LYPD8: variants seen among roughly 807,000 people sequenced by gnomAD.
LYPD8 encodes the protein ly6/PLAUR domain-containing protein 8.
LYPD8 carries 8 observed loss-of-function variants against 1.7 expected under a neutral mutation model. The observed-to-expected ratio is 4.58, with a 90% CI of 2.69 to 8.27. The LOEUF is 8.27. Ranked by LOEUF, LYPD8 falls within the 30% of genes most tolerant of loss-of-function variation. The pLI, the probability that LYPD8 is intolerant of heterozygous loss-of-function variation, is 0.00. For missense variants in LYPD8, 112 were observed against 102.3 expected, an observed-to-expected ratio of 1.09 and a Z score of -0.41; for synonymous variants, 50 against 43.6, an observed-to-expected ratio of 1.15 and a Z score of -0.58.
At chr1:248,752,723 A>G (rs1662825218) in intron 2 of LYPD8, among the ~76,000 whole-genome samples, 1 of 98,342 alleles carries the variant, frequency 1.0e-5, no homozygotes, top group Non-Finnish European at 2.0e-5. Flanking sequence ...TCCCCACTGA[A>G]CACACACACA....
chr1:248,745,702 G>C (rs1662717790), intron 5 of LYPD8, among the ~76,000 whole-genome samples: 1 of 152,162 alleles, frequency 6.6e-6, no homozygotes, highest in African/African-American at 2.4e-5. Flanking sequence ...AATGAGACCA[G>C]CTCTGCTCTT....
intron 2 of LYPD8, among the ~76,000 whole-genome samples, chr1:248,752,166 C>T (rs1488288250): frequency 6.6e-6 from 1 of 152,074 alleles, no homozygotes; most frequent in Non-Finnish European, 1.5e-5. Context: ...GCACTGGCTA[C>T]ATTCCCAATG....
At chr1:248,748,505 G>C (rs1662748527) in intron 4 of LYPD8, 52 bp from the exon 5 acceptor site, 1 of 399,934 alleles carries the variant, frequency 2.5e-6, no homozygotes, top group East Asian at 3.6e-5. Flanking sequence ...GGAGGTGTGG[G>C]GAGGGTGGAG....
chr1:248,752,846 C>CAA (rs1662835199), intron 2 of LYPD8, among the ~76,000 whole-genome samples: 68 of 121,348 alleles, frequency 5.6e-4, no homozygotes, highest in African/African-American at 2.2e-3. Flanking sequence ...ACCCCACACA[C>CAA]ACACACCACA....
At chr1:248,753,497 ACACAACACAACACACACAT>A (rs1662867372) in intron 2 of LYPD8, among the ~76,000 whole-genome samples, 45 of 123,236 alleles carry the variant, frequency 3.7e-4, no homozygotes, top group East Asian at 8.6e-4. Flanking sequence ...ATCACACAAC[ACACAACACAACACACACAT>A]CACACACCCC....
chr1:248,741,736 A>G (rs1259445329), intron 6 of LYPD8, among the ~76,000 whole-genome samples: 1 of 152,222 alleles, frequency 6.6e-6, no homozygotes, highest in East Asian at 1.9e-4. Flanking sequence ...TTCTGATGTC[A>G]TGTTGCCCTA....
intron 6 of LYPD8, among the ~76,000 whole-genome samples, chr1:248,740,590 G>A (rs559165307): frequency 3.9e-5 from 6 of 152,334 alleles, no homozygotes; most frequent in East Asian, 3.9e-4. Context: ...AGGGACTCAC[G>A]GAGGTGAAGT....
intron 2 of LYPD8, among the ~76,000 whole-genome samples, chr1:248,752,651 AAC>A (rs1387037198): frequency 0.69 from 68,110 of 99,368 alleles, 23,534 homozygotes; most frequent in Middle Eastern, 0.83. Flanking sequence ...CACAACACAC[AAC>A]ACACACCACA....
intron 5 of LYPD8, 28 bp from the exon 6 acceptor site, chr1:248,745,307 A>G: frequency 2.5e-6 from 1 of 398,472 alleles, no homozygotes; most frequent in Non-Finnish European, 4.4e-6. Context: ...ATTACTCAGG[A>G]CAGTGTTATC....
At chr1:248,749,384 A>G (rs905758521) in intron 4 of LYPD8, among the ~76,000 whole-genome samples, 4 of 152,238 alleles carry the variant, frequency 2.6e-5, no homozygotes, top group Non-Finnish European at 1.5e-5. Context: ...TTTCTCAGGT[A>G]TGATAACAGT....
intron 5 of LYPD8, among the ~76,000 whole-genome samples, 187 bp from the exon 6 acceptor site, chr1:248,745,466 C>G (rs1244974868): frequency 6.6e-6 from 1 of 152,216 alleles, no homozygotes; most frequent in African/African-American, 2.4e-5. Flanking sequence ...CTCCACAGAT[C>G]TGCTCTAACA....
intron 6 of LYPD8, among the ~76,000 whole-genome samples, chr1:248,741,457 T>C (rs1662596447): frequency 6.6e-6 from 1 of 152,224 alleles, no homozygotes; most frequent in Middle Eastern, 3.2e-3. Context: ...TCAGCCTGTC[T>C]TGGCCTCTCA....
Position 248,739,692 on chromosome 1 carries a change from G to C in LYPD8, c.633C>G (p.Thr211=), listed in dbSNP as rs1553283062. ...CTTTGGAGCCCACGTTGTGGGAAGT[G>C]GTTGGTGCAGACGTGGGGGTTAAGC... ...VNSLTPTSAP[T]TSHNVGSKAS... is the part of the protein sequence containing the mutation. Residue 211 remains threonine (T), a synonymous_variant, in exon 7 of 7, where the codon ACC becomes ACG. Coordinates refer to ENST00000590317, the MANE Select transcript of LYPD8 (RefSeq NM_001085474.2). The surrounding 1 kb of genome is among the most constrained non-coding windows in gnomAD (Gnocchi z 4.3). The C allele has an allele frequency of 6.4e-7, 1 of 1,551,752 alleles. No individual in the cohort carries two copies. The highest frequency in any genetic ancestry group is 2.4e-5 in the East Asian group (1 of 40,912).
chr1:248,752,784 CCA>C (rs1191415536), intron 2 of LYPD8, among the ~76,000 whole-genome samples: 1,554 of 103,932 alleles, frequency 0.015, 7 homozygotes, highest in African/African-American at 0.061. Context: ...ACAACACACA[CCA>C]CACACACACC....
At chr1:248,741,520 C>CA (rs1202183270) in intron 6 of LYPD8, among the ~76,000 whole-genome samples, 1 of 152,126 alleles carries the variant, frequency 6.6e-6, no homozygotes, top group Admixed American at 6.5e-5. Context: ...GCTGAAGACT[C>CA]AGAGTGAGTT....
intron 6 of LYPD8, among the ~76,000 whole-genome samples, chr1:248,741,607 TA>T (rs1179055403): frequency 6.6e-6 from 1 of 152,214 alleles, no homozygotes; most frequent in African/African-American, 2.4e-5. Context: ...AAAATACCCC[TA>T]CATTTATGAT....
intron 6 of LYPD8, among the ~76,000 whole-genome samples, chr1:248,741,106 C>G (rs1662588985): frequency 6.6e-6 from 1 of 150,578 alleles, no homozygotes; most frequent in Non-Finnish European, 1.5e-5. Flanking sequence ...AGAGCGAGAC[C>G]CTGTCTTGAA....
At chr1:248,745,371 C>A in intron 5 of LYPD8, 92 bp from the exon 6 acceptor site, 1 of 395,538 alleles carries the variant, frequency 2.5e-6, no homozygotes, top group Non-Finnish European at 4.5e-6. Context: ...CCAAAGAGAT[C>A]GGAGAACGGA....
chr1:248,753,042 A>AACACATCACACACAC (rs1662845328), intron 2 of LYPD8, among the ~76,000 whole-genome samples: 1 of 88,050 alleles, frequency 1.1e-5, no homozygotes, highest in Non-Finnish European at 2.2e-5. Flanking sequence ...CACACCACAC[A>AACACATCACACACAC]CACATCACAC....
Sources: gnomAD v4.1 joint callset for allele counts (sites outside exome capture counted in the v4.1 genomes callset) on GRCh38, gnomAD v4.1.1 for gene constraint, Gnocchi (gnomAD v3.1) non-coding constraint, MANE v1.5 for transcripts, NCBI Gene and HGNC (gene_info 2026-07-23, HGNC 2026-07-21) for gene names.